Variants in DMAC2 observed in about 807,000 individuals in gnomAD.
DMAC2 encodes the protein distal membrane-arm assembly complex protein 2.
Under a neutral mutation model 29.6 loss-of-function variants are expected in DMAC2, and 32 were observed. The observed-to-expected ratio is 1.08, with a 90% CI of 0.81 to 1.45. DMAC2 has a LOEUF of 1.45. DMAC2 is among the 40% of genes most tolerant of loss of function. DMAC2 has a pLI of 0.00. For synonymous variants in DMAC2, 133 were observed against 137.4 expected (o/e 0.97, Z 0.23); for missense variants, 319 against 340.0 (o/e 0.94, Z 0.49).
At position 41,438,407 on chromosome 19, in the gene DMAC2, C is replaced by T. The variant is rs377191429; in HGVS notation, c.26G>A (p.Arg9His). ...CCCATTCCACATGGGGGCGACCAGGCGCAGGGACTGGGGAGGGGGAGAGGA... is the reference window on the plus strand; with the variant it reads ...CCCATTCCACATGGGGGCGACCAGGTGCAGGGACTGGGGAGGGGGAGAGGA... MAAPWASL[R>H]LVAPMWNGRI... Residue 9 changes from arginine (R) to histidine (H), a missense_variant, in exon 2 of 6, where the codon CGC becomes CAC. Physicochemically the swap from Arg to His is conservative, Grantham distance 29 (BLOSUM62 0). Transcript: ENST00000221943. 9.4e-5 allele frequency: 152 copies of T among 1,613,022 alleles called. 1 individual carries two copies. Among genetic ancestry groups the T allele is most frequent in the Middle Eastern group, 8.3e-4 (5 of 5,998 alleles).
At chr19:41,436,298 G>T in intron 3 of DMAC2, 94 bp downstream of exon 3, 2 of 1,074,264 alleles carry the variant, frequency 1.9e-6, no homozygotes, top group South Asian at 2.7e-5. Flanking sequence ...GCAGAGACCA[G>T]GGGACTCTGA....
chr19:41,434,680 G>A (rs1458367923), intron 3 of DMAC2, among the ~76,000 whole-genome samples: 1 of 151,828 alleles, frequency 6.6e-6, no homozygotes, highest in Non-Finnish European at 1.5e-5. Flanking sequence ...GAAAGGAGGC[G>A]GGGAAGAAGG....
chr19:41,439,746 C>T lies in DMAC2; in HGVS notation c.18+136G>A. The T allele has an allele frequency of 2.7e-6, 4 of 1,458,842 alleles. No individual in the cohort carries two copies. The East Asian group carries it at 9.3e-5, about 34-fold the overall frequency. The allele number at this position is 1,458,842 out of a possible 1,614,324, so 90.4% of individuals were successfully genotyped here. On this transcript the variant is annotated intron_variant, in intron 1 of 5. Coordinates refer to ENST00000221943, the MANE Select transcript of DMAC2 (RefSeq NM_018035.3). The stretch of plus-strand genomic sequence containing the variant: ...GGCCCCCACTAGCCACAGGTTTGCA[C>T]TCCCAGTACGGGGCTTGCCAGGCTT...
intron 1 of DMAC2, 49 bp from the exon 2 acceptor site, chr19:41,438,463 CA>C: frequency 2.7e-6 from 4 of 1,502,026 alleles, no homozygotes; most frequent in African/African-American, 1.4e-5. Context: ...TCCTGGGAGA[CA>C]CAGAGCTGGA....
chr19:41,431,487 G>GC lies in DMAC2; in HGVS notation c.*743dup, dbSNP rs1352028620. The GC allele has an allele frequency of 2.7e-6, 1 of 365,078 alleles. No individual in the cohort carries two copies. The highest frequency in any genetic ancestry group is 5.4e-6 in the Non-Finnish European group (1 of 184,836). The allele number at this position is 365,078 out of a possible 1,614,324, so 22.6% of individuals were successfully genotyped here. ...TCAGTGGAGGCGCTGTGTCTCCTAC[G>GC]CAACTTCTGAGGGCTGGAGGGTGCC... is the stretch of plus-strand genomic sequence containing the variant. On this transcript the variant is annotated 3_prime_UTR_variant, in exon 6 of 6. Coordinates refer to ENST00000221943, the MANE Select transcript of DMAC2 (RefSeq NM_018035.3).
intron 1 of DMAC2, 148 bp downstream of exon 1, chr19:41,439,734 C>CA (rs2040057261): frequency 7.2e-7 from 1 of 1,397,336 alleles, no homozygotes; most frequent in Non-Finnish European, 1.0e-6. Flanking sequence ...CCCCACTAGC[C>CA]ACAGGTTTGC....
intron 3 of DMAC2, among the ~76,000 whole-genome samples, chr19:41,436,139 G>T (rs1280305884): frequency 6.6e-6 from 1 of 152,218 alleles, no homozygotes; most frequent in African/African-American, 2.4e-5. Flanking sequence ...GCCTCCCAAA[G>T]CATTGGGATT....
intron 4 of DMAC2, 25 bp from the exon 5 acceptor site, chr19:41,433,459 GC>G: frequency 6.2e-7 from 1 of 1,612,254 alleles, no homozygotes; most frequent in Non-Finnish European, 8.5e-7. Context: ...GGGTGGGATG[GC>G]ACCAGGAGCC....
In DMAC2 at chr19:41,433,519, C is replaced by G; in HGVS notation, c.433+18G>C. ...GAAAACATAGAGGCCTGTCCCATCT[C>G]CACCCCACCGCACTCACGGAGGTTA... On this transcript the variant is annotated intron_variant, in intron 4 of 5. Transcript: ENST00000221943. The G allele has an allele frequency of 1.2e-6, 2 of 1,614,208 alleles. No homozygotes were observed. Among genetic ancestry groups the G allele is most frequent in the Non-Finnish European group, 1.7e-6 (2 of 1,180,038 alleles).
chr19:41,438,182 G>A (rs1050873343), intron 2 of DMAC2, 36 bp downstream of exon 2: 2 of 1,585,380 alleles, frequency 1.3e-6, no homozygotes, highest in East Asian at 2.2e-5. Flanking sequence ...GGTGGGCCAG[G>A]GTCTCCACAG....
rs568654942 is a variant in DMAC2 at position 41,439,053 on chromosome 19, T to C, written c.19-639A>G. ...AGCGTGGCCCAGGGAAGCCAAAAGA[T>C]TGGACACCCCTGAACCGAGAAGGGT... On this transcript the variant is annotated intron_variant, in intron 1 of 5. Transcript: ENST00000221943. The C allele has an allele frequency of 5.7e-5, 10 of 175,482 alleles. No individual in the cohort carries two copies. In the South Asian group the frequency reaches 7.7e-4, roughly 14 times the overall value. 10.9% of individuals were successfully genotyped at this position (175,482 alleles called of 1,614,324 possible).
chr19:41,432,528 A>G, intron 5 of DMAC2, 120 bp from the exon 6 acceptor site: 1 of 916,898 alleles, frequency 1.1e-6, no homozygotes, highest in Non-Finnish European at 1.7e-6. Context: ...CAGTGTAAGG[A>G]CAGCGTGTGT....
rs1328262081 is a variant in DMAC2 at position 41,438,740 on chromosome 19, T to C, written c.19-326A>G. On this transcript the variant is annotated intron_variant, in intron 1 of 5. Coordinates refer to ENST00000221943, the MANE Select transcript of DMAC2 (RefSeq NM_018035.3). The stretch of plus-strand genomic sequence containing the variant: ...TCTTAATTTTCCACAGATTTGCCCC[T>C]TAATTACCCAATTCTTCTGCTGGGG... 2.6e-5 allele frequency among the ~76,000 whole-genome samples: 4 copies of C among 152,126 alleles called. No homozygotes were observed. In the East Asian group the frequency reaches 7.7e-4, roughly 29 times the overall value.
rs370387411 is a variant in DMAC2, at chr19:41,431,576, G to A, written c.*655C>T. On this transcript the variant is annotated 3_prime_UTR_variant, in exon 6 of 6. Coordinates refer to ENST00000221943, the MANE Select transcript of DMAC2 (RefSeq NM_018035.3). ...GTGCTGGGGAAGCCACATGCACTGC[G>A]GCGTCCAGAGGCAGAAGCACAACCA... 18 of 315,598 alleles carry A rather than the reference G, an allele frequency of 5.7e-5. No individual in the cohort carries two copies. Among genetic ancestry groups the A allele is most frequent in the Middle Eastern group, 1.2e-3 (1 of 860 alleles). The allele number at this position is 315,598 out of a possible 1,614,324, so 19.5% of individuals were successfully genotyped here.
In DMAC2 at chr19:41,438,423, G is replaced by A. The variant is rs782477441; in HGVS notation, c.19-9C>T. ...GCGACCAGGCGCAGGGACTGGGGAG[G>A]GGGAGAGGAAAGGAGCTGAGCCTGG... On this transcript the variant is annotated splice_polypyrimidine_tract_variant and intron_variant, in intron 1 of 5. Coordinates refer to ENST00000221943, the MANE Select transcript of DMAC2 (RefSeq NM_018035.3). The A allele has an allele frequency of 1.9e-6, 3 of 1,608,692 alleles. No homozygotes were observed. The highest frequency in any genetic ancestry group is 2.2e-5 in the East Asian group (1 of 44,796).
chr19:41,434,606 GA>G (rs2039760835), intron 3 of DMAC2, among the ~76,000 whole-genome samples: 1 of 151,992 alleles, frequency 6.6e-6, no homozygotes. Flanking sequence ...AGGGGTAGAT[GA>G]AGTCTATGTG....
At chr19:41,439,260 T>TTA (rs1347138860) in intron 1 of DMAC2, 5 of 490,946 alleles carry the variant, frequency 1.0e-5, no homozygotes, top group African/African-American at 2.0e-5. Flanking sequence ...CCCAAACCCT[T>TTA]ATTTTCCTCA....
chr19:41,435,067 C>T (rs2039785994), intron 3 of DMAC2, among the ~76,000 whole-genome samples: 1 of 151,864 alleles, frequency 6.6e-6, no homozygotes, highest in African/African-American at 2.4e-5. Flanking sequence ...ATTGCAAAAT[C>T]ACAGTTAATC....
intron 1 of DMAC2, 117 bp downstream of exon 1, chr19:41,439,765 C>T: frequency 6.5e-7 from 1 of 1,543,258 alleles, no homozygotes. Flanking sequence ...CGGGGCTTGC[C>T]AGGCTTAGCC....
Sources: gnomAD v4.1 joint callset for allele counts (sites outside exome capture counted in the v4.1 genomes callset) on GRCh38, gnomAD v4.1.1 for gene constraint, MANE v1.5 for transcripts, NCBI Gene and HGNC (gene_info 2026-07-23, HGNC 2026-07-21) for gene names.